Variants in PID1 observed in about 807,000 individuals in gnomAD.
PID1 encodes phosphotyrosine interaction domain containing 1.
Under a neutral mutation model 19.1 loss-of-function variants are expected in PID1, and 10 were observed. The observed-to-expected ratio is 0.52, with a 90% CI of 0.32 to 0.89. PID1 has a LOEUF of 0.89. Ranked by LOEUF, PID1 falls within the 40% of genes least tolerant of loss-of-function variation. The pLI is 0.03. For synonymous variants in PID1, 130 were observed against 116.0 expected, an observed-to-expected ratio of 1.12 and a Z score of -0.78; for missense variants, 248 against 285.3, an observed-to-expected ratio of 0.87 and a Z score of 0.94.
At chr2:229,068,611 G>T (rs1694381778) in intron 2 of PID1, among the ~76,000 whole-genome samples, 1 of 152,152 alleles carries the variant, frequency 6.6e-6, no homozygotes. Context: ...AAGCTTAGTT[G>T]GAGAGCCTTC....
chr2:229,123,254 A>G (rs1186189596), intron 2 of PID1, among the ~76,000 whole-genome samples: 1 of 152,204 alleles, frequency 6.6e-6, no homozygotes, highest in Non-Finnish European at 1.5e-5. Context: ...GGGATACTTC[A>G]GGTAAATGGA....
intron 1 of PID1, among the ~76,000 whole-genome samples, chr2:229,216,281 TGGA>T (rs1291220231): frequency 6.6e-6 from 1 of 152,198 alleles, no homozygotes; most frequent in Admixed American, 6.5e-5. Context: ...TCTACAGCTG[TGGA>T]GGAGAAGTGG....
At chr2:229,150,048 G>T (rs2106189852) in intron 2 of PID1, among the ~76,000 whole-genome samples, 1 of 152,094 alleles carries the variant, frequency 6.6e-6, no homozygotes, top group Admixed American at 6.6e-5. Context: ...GACCAGCCTG[G>T]CCAACAAGGT....
At chr2:229,239,876 C>T (rs778153443) in intron 1 of PID1, among the ~76,000 whole-genome samples, 64 of 152,098 alleles carry the variant, frequency 4.2e-4, no homozygotes, top group Non-Finnish European at 7.4e-4. Context: ...AAGACAGAGG[C>T]GTAAAAGATA....
intron 2 of PID1, among the ~76,000 whole-genome samples, chr2:229,071,470 T>C (rs1388306116): frequency 6.6e-6 from 1 of 152,216 alleles, no homozygotes; most frequent in African/African-American, 2.4e-5. Context: ...ATTATGTCAT[T>C]TCATAACAAT....
intron 2 of PID1, among the ~76,000 whole-genome samples, chr2:229,140,721 TACAATA>T: frequency 1.3e-5 from 2 of 152,140 alleles, no homozygotes; most frequent in African/African-American, 2.4e-5. Flanking sequence ...AAGATATACA[TACAATA>T]TTGTTTATTC....
intron 2 of PID1, among the ~76,000 whole-genome samples, chr2:229,132,769 A>AT: frequency 6.6e-6 from 1 of 152,334 alleles, no homozygotes; most frequent in Admixed American, 6.5e-5. Context: ...ATTCCAAATG[A>AT]TTTTTCAAAT....
At chr2:229,090,587 C>T (rs1350182805) in intron 2 of PID1, among the ~76,000 whole-genome samples, 1 of 152,162 alleles carries the variant, frequency 6.6e-6, no homozygotes, top group Non-Finnish European at 1.5e-5. Flanking sequence ...TAGTCCTACT[C>T]CTCCAGCTCT....
rs1028162826 is a variant in PID1, at chr2:229,093,393, G to C, written c.177+62425C>G. ...CCTACCTCGGCCTCCCCAAGTGCTG[G>C]GATTACAGGAGCGAGCCATCAAGCC... On this transcript the variant is annotated intron_variant, in intron 2 of 2. Coordinates refer to ENST00000392055, the MANE Select transcript of PID1 (RefSeq NM_001100818.2). Among the ~76,000 whole-genome samples, 5 of 151,602 alleles carry C rather than the reference G, an allele frequency of 3.3e-5. 1 individual carries two copies. Among genetic ancestry groups the C allele is most frequent in the Admixed American group, 2.7e-4 (4 of 15,008 alleles).
chr2:229,214,624 T>A (rs1167148432), intron 1 of PID1, among the ~76,000 whole-genome samples: 1 of 152,166 alleles, frequency 6.6e-6, no homozygotes, highest in Non-Finnish European at 1.5e-5. Context: ...ATCTACCTGT[T>A]CACTGTAAAA....
intron 2 of PID1, among the ~76,000 whole-genome samples, chr2:229,073,158 T>A (rs1460525006): frequency 2.0e-5 from 3 of 152,210 alleles, no homozygotes; most frequent in Non-Finnish European, 4.4e-5. Flanking sequence ...CCTGAGTAGC[T>A]GGGACTACCG....
At chr2:229,114,462 T>C (rs1363128207) in intron 2 of PID1, among the ~76,000 whole-genome samples, 1 of 152,106 alleles carries the variant, frequency 6.6e-6, no homozygotes, top group African/African-American at 2.4e-5. Flanking sequence ...ATACAAGAAG[T>C]ACCTGTCAAT....
At chr2:229,209,924 T>C (rs368257554) in intron 1 of PID1, among the ~76,000 whole-genome samples, 1 of 152,184 alleles carries the variant, frequency 6.6e-6, no homozygotes, top group African/African-American at 2.4e-5. Flanking sequence ...GCTACCATGA[T>C]AGCTCTATCA....
chr2:229,092,198 A>G (rs1268526297), intron 2 of PID1, among the ~76,000 whole-genome samples: 1 of 151,330 alleles, frequency 6.6e-6, no homozygotes, highest in Non-Finnish European at 1.5e-5. Context: ...GCTCAGTTCA[A>G]TCTTTAAGCA....
intron 2 of PID1, among the ~76,000 whole-genome samples, chr2:229,028,576 C>T (rs923539365): frequency 1.1e-4 from 17 of 152,238 alleles, no homozygotes; most frequent in Non-Finnish European, 1.8e-4. Context: ...ACCTAAAAGT[C>T]AACAACAAAA....
chr2:229,151,244 T>G (rs1191299306), intron 2 of PID1, among the ~76,000 whole-genome samples: 1 of 152,154 alleles, frequency 6.6e-6, no homozygotes, highest in Non-Finnish European at 1.5e-5. Context: ...GAGGCACCTG[T>G]GGATAGACAC....
At chr2:229,099,163 T>C (rs1395112867) in intron 2 of PID1, among the ~76,000 whole-genome samples, 1 of 152,210 alleles carries the variant, frequency 6.6e-6, no homozygotes, top group East Asian at 1.9e-4. Context: ...ACCCCAAATC[T>C]TGTGCTGTAC....
intron 2 of PID1, among the ~76,000 whole-genome samples, chr2:229,097,375 C>G (rs114631970): frequency 0.01 from 1,539 of 152,212 alleles, 29 homozygotes; most frequent in African/African-American, 0.036. Context: ...TGACTAAAAA[C>G]CTAAGCACAA....
chr2:229,233,962 A>G (rs1692270614), intron 1 of PID1, among the ~76,000 whole-genome samples: 2 of 152,258 alleles, frequency 1.3e-5, no homozygotes, highest in Admixed American at 6.5e-5. Flanking sequence ...CTCAAGAAGC[A>G]TATGACTTGG....
Sources: gnomAD v4.1 joint callset for allele counts (sites outside exome capture counted in the v4.1 genomes callset) on GRCh38, gnomAD v4.1.1 for gene constraint, MANE v1.5 for transcripts, NCBI Gene and HGNC (gene_info 2026-07-23, HGNC 2026-07-21) for gene names.